Variants in DPP10 observed in about 807,000 individuals in gnomAD.
DPP10 encodes dipeptidyl peptidase like 10, also known as inactive dipeptidyl peptidase 10.
Under a neutral mutation model 120.9 loss-of-function variants are expected in DPP10, and 33 were observed. The observed-to-expected ratio is 0.27, with a 90% CI of 0.21 to 0.37. DPP10 has a LOEUF of 0.37. Among genes scored for constraint, DPP10 ranks in the 10% least tolerant of loss-of-function variants. DPP10 has a pLI of 1.00. For synonymous variants in DPP10, 337 were observed against 326.1 expected (o/e 1.03, Z -0.36); for missense variants, 816 against 942.8 (o/e 0.87, Z 1.76).
At chr2:114,757,272 AG>A (rs1184669742) in intron 1 of DPP10, among the ~76,000 whole-genome samples, 1 of 138,010 alleles carries the variant, frequency 7.2e-6, no homozygotes, top group Non-Finnish European at 1.6e-5. Context: ...GGAGAAAGGA[AG>A]GAAAGAATGG....
intron 1 of DPP10, among the ~76,000 whole-genome samples, chr2:114,920,438 C>T (rs1197855468): frequency 1.3e-5 from 2 of 152,272 alleles, no homozygotes; most frequent in African/African-American, 2.4e-5. Context: ...GTGCTAGCAC[C>T]TTCAATGTCA....
At chr2:114,974,893 T>C (rs533641867) in intron 1 of DPP10, among the ~76,000 whole-genome samples, 3 of 151,966 alleles carry the variant, frequency 2.0e-5, no homozygotes, top group South Asian at 4.2e-4. Flanking sequence ...TATAATAATA[T>C]ATAAAAAATC....
intron 5 of DPP10, among the ~76,000 whole-genome samples, chr2:115,537,758 G>A (rs938126575): frequency 6.6e-6 from 1 of 151,942 alleles, no homozygotes; most frequent in Non-Finnish European, 1.5e-5. Flanking sequence ...CTGCAGATCA[G>A]GGTTTCTAGA....
chr2:115,515,138 A>G (rs1447495795), intron 4 of DPP10, among the ~76,000 whole-genome samples: 2 of 151,968 alleles, frequency 1.3e-5, no homozygotes, highest in Non-Finnish European at 2.9e-5. Flanking sequence ...ATGATGTATT[A>G]CCACTGGTTT....
At chr2:115,807,824 TTTG>T (rs373322047) in intron 19 of DPP10, among the ~76,000 whole-genome samples, 1,955 of 151,992 alleles carry the variant, frequency 0.013, 46 homozygotes, top group African/African-American at 0.042. Flanking sequence ...CAAATATATG[TTTG>T]GGTTTTTTTT....
chr2:115,658,265 G>C (rs1029879316), intron 5 of DPP10, among the ~76,000 whole-genome samples: 2 of 151,862 alleles, frequency 1.3e-5, no homozygotes, highest in Admixed American at 1.3e-4. Flanking sequence ...GCATCTAATA[G>C]AGACTTCTTT....
At chr2:114,459,730 T>C (rs139443932) in intron 1 of DPP10, among the ~76,000 whole-genome samples, 28 of 152,356 alleles carry the variant, frequency 1.8e-4, no homozygotes, top group African/African-American at 6.5e-4. Context: ...AGTTTTACTA[T>C]GGAATCTTTG....
At chr2:115,662,933 T>A (rs1437311991) in intron 5 of DPP10, among the ~76,000 whole-genome samples, 1 of 152,194 alleles carries the variant, frequency 6.6e-6, no homozygotes, top group East Asian at 1.9e-4. Flanking sequence ...ATCAATTAAA[T>A]TTTGGCACTT....
At chr2:115,399,010 A>G (rs2067876815) in intron 3 of DPP10, among the ~76,000 whole-genome samples, 1 of 152,072 alleles carries the variant, frequency 6.6e-6, no homozygotes, top group African/African-American at 2.4e-5. Context: ...TCCCTTTAGC[A>G]CTTAATCATG....
At chr2:115,123,010 A>G (rs755139329) in intron 1 of DPP10, among the ~76,000 whole-genome samples, 6 of 152,342 alleles carry the variant, frequency 3.9e-5, no homozygotes, top group Non-Finnish European at 8.8e-5. Context: ...GTACGCCCTC[A>G]GCCAAAGAAA....
At chr2:114,830,749 T>C (rs1305530181) in intron 1 of DPP10, among the ~76,000 whole-genome samples, 1 of 152,208 alleles carries the variant, frequency 6.6e-6, no homozygotes, top group Admixed American at 6.5e-5. Flanking sequence ...ACATAGTTTC[T>C]TTATCAGGCC....
At chr2:114,449,233 T>G (rs1678113810) in intron 1 of DPP10, among the ~76,000 whole-genome samples, 1 of 152,142 alleles carries the variant, frequency 6.6e-6, no homozygotes, top group Non-Finnish European at 1.5e-5. Context: ...CTCCTTGCCT[T>G]TATGAATGTT....
At chr2:114,768,105 A>C (rs1680900492) in intron 1 of DPP10, among the ~76,000 whole-genome samples, 1 of 149,314 alleles carries the variant, frequency 6.7e-6, no homozygotes, top group Non-Finnish European at 1.5e-5. Context: ...TCCAGGTCGG[A>C]CGACAGAACA....
chr2:114,957,089 G>A (rs867505475), intron 1 of DPP10, among the ~76,000 whole-genome samples: 11 of 151,020 alleles, frequency 7.3e-5, no homozygotes, highest in Middle Eastern at 7.0e-3. Flanking sequence ...ATAAGAATAC[G>A]TGAAAATAAA....
intron 1 of DPP10, among the ~76,000 whole-genome samples, chr2:115,100,230 A>G (rs562449718): frequency 1.3e-5 from 2 of 152,280 alleles, no homozygotes; most frequent in African/African-American, 4.8e-5. Flanking sequence ...GGATCACTTG[A>G]CATGAGTTCG....
intron 3 of DPP10, among the ~76,000 whole-genome samples, chr2:115,403,249 C>T (rs976420683): frequency 1.3e-5 from 2 of 151,948 alleles, no homozygotes; most frequent in Non-Finnish European, 1.5e-5. Context: ...AAAAAATGTA[C>T]TTCAGCACAA....
intron 3 of DPP10, among the ~76,000 whole-genome samples, chr2:115,470,834 C>T (rs1467895026): frequency 6.6e-6 from 1 of 152,162 alleles, no homozygotes; most frequent in Admixed American, 6.5e-5. Context: ...ACATCTCTTA[C>T]ATTTACAAAT....
intron 5 of DPP10, among the ~76,000 whole-genome samples, chr2:115,550,059 T>C (rs893442081): frequency 2.0e-5 from 3 of 152,090 alleles, no homozygotes; most frequent in African/African-American, 7.2e-5. Flanking sequence ...CTCAAATCAT[T>C]TGAGTCATAC....
intron 8 of DPP10, among the ~76,000 whole-genome samples, chr2:115,731,490 C>T (rs565808105): frequency 3.7e-4 from 56 of 152,100 alleles, no homozygotes; most frequent in African/African-American, 1.1e-3. Context: ...CATGCCACTG[C>T]ACTCCAGCCT....
Sources: allele counts gnomAD v4.1 joint callset (sites outside exome capture counted in the v4.1 genomes callset), GRCh38; gene constraint gnomAD v4.1.1; transcripts MANE v1.5; gene names NCBI Gene and HGNC (gene_info 2026-07-23, HGNC 2026-07-21).